AQR: variants seen among roughly 807,000 people sequenced by gnomAD.
AQR encodes the protein aquarius intron-binding spliceosomal factor, also known as RNA helicase aquarius.
A neutral mutation model predicts 180.5 loss-of-function variants in AQR; 61 were observed. That is an observed-to-expected ratio of 0.34 (90% confidence interval 0.28 to 0.42). AQR has a LOEUF of 0.42. Ranked by LOEUF, AQR falls within the 10% of genes least tolerant of loss-of-function variation. The probability of loss-of-function intolerance (pLI) is 1.00; values close to 1 mark genes in which losing one functional copy is unlikely to be tolerated. For synonymous variants in AQR, 551 were observed against 588.8 expected (o/e 0.94, Z 0.93); for missense variants, 1,281 against 1,798.3 (o/e 0.71, Z 5.20).
At chr15:34,943,786 T>C (rs1213278572) in intron 6 of AQR, among the ~76,000 whole-genome samples, 1 of 152,164 alleles carries the variant, frequency 6.6e-6, no homozygotes, top group Admixed American at 6.5e-5. Context: ...AGGATGAAAA[T>C]GTATCACACA....
intron 19 of AQR, among the ~76,000 whole-genome samples, chr15:34,902,714 T>C (rs995193302): frequency 6.6e-6 from 1 of 152,154 alleles, no homozygotes; most frequent in African/African-American, 2.4e-5. Context: ...TTCAGTGAAG[T>C]AACTGAGATT....
At chr15:34,957,641 C>T (rs563236653) in intron 3 of AQR, among the ~76,000 whole-genome samples, 3 of 149,280 alleles carry the variant, frequency 2.0e-5, no homozygotes, top group Non-Finnish European at 4.4e-5. Flanking sequence ...GTGGAGGTTG[C>T]GGTGAGCCGA....
intron 24 of AQR, among the ~76,000 whole-genome samples, chr15:34,888,262 C>CA (rs1489790778): frequency 1.3e-5 from 2 of 152,064 alleles, no homozygotes; most frequent in Admixed American, 1.3e-4. Context: ...CATACCACTA[C>CA]ACTCCAGCCT....
At chr15:34,933,547 T>G (rs1046825839) in intron 10 of AQR, among the ~76,000 whole-genome samples, 9 of 152,086 alleles carry the variant, frequency 5.9e-5, no homozygotes, top group Non-Finnish European at 1.2e-4. Context: ...TTTAGAAAAG[T>G]GAGATTATTT....
chr15:34,878,060 A>C (rs1043921027), intron 27 of AQR, among the ~76,000 whole-genome samples: 3 of 152,156 alleles, frequency 2.0e-5, no homozygotes, highest in African/African-American at 7.2e-5. Context: ...CTAAGGTAAT[A>C]TCTCTCTTGA....
At chr15:34,932,478 C>G in intron 10 of AQR, 44 bp from the exon 11 acceptor site, 1 of 1,355,164 alleles carries the variant, frequency 7.4e-7, no homozygotes, top group Non-Finnish European at 1.0e-6. Context: ...CATCTATTCT[C>G]CACAGCTAGA....
intron 3 of AQR, among the ~76,000 whole-genome samples, chr15:34,958,381 T>A (rs1894360467): frequency 1.3e-5 from 2 of 151,974 alleles, no homozygotes; most frequent in African/African-American, 4.8e-5. Flanking sequence ...CTGGGCATGG[T>A]GGTTTGTGCC....
At chr15:34,859,087 T>C (rs1892632414) in intron 34 of AQR, among the ~76,000 whole-genome samples, 1 of 152,056 alleles carries the variant, frequency 6.6e-6, no homozygotes, top group African/African-American at 2.4e-5. Flanking sequence ...ATTTAAAACT[T>C]TTGCTCTTTG....
chr15:34,913,130 A>G (rs1168277661), intron 16 of AQR, among the ~76,000 whole-genome samples: 1 of 152,198 alleles, frequency 6.6e-6, no homozygotes, highest in African/African-American at 2.4e-5. Context: ...ATCCATCACC[A>G]CAAAATCCAG....
At chr15:34,935,723 A>G (rs1165456650) in intron 9 of AQR, among the ~76,000 whole-genome samples, 1 of 152,212 alleles carries the variant, frequency 6.6e-6, no homozygotes. Context: ...GTAGAAAAAC[A>G]TGATCAGAGA....
At chr15:34,889,088 T>TCTA (rs1893102986) in intron 24 of AQR, among the ~76,000 whole-genome samples, 1 of 152,236 alleles carries the variant, frequency 6.6e-6, no homozygotes, top group Non-Finnish European at 1.5e-5. Context: ...AGTCAAATAT[T>TCTA]CTATTAGCAC....
intron 32 of AQR, among the ~76,000 whole-genome samples, 169 bp downstream of exon 32, chr15:34,867,355 G>A (rs1044317397): frequency 1.3e-5 from 2 of 152,106 alleles, no homozygotes; most frequent in East Asian, 1.9e-4. Flanking sequence ...CAGCAGCAAT[G>A]AGAATAGTTA....
chr15:34,879,891 C>A (rs1454990091), intron 27 of AQR, among the ~76,000 whole-genome samples: 2 of 152,110 alleles, frequency 1.3e-5, no homozygotes, highest in African/African-American at 4.8e-5. Context: ...AGTCTGTGTA[C>A]AAAACTGAAT....
At chr15:34,896,718 G>T (rs758977283) in intron 22 of AQR, among the ~76,000 whole-genome samples, 179 bp downstream of exon 22, 2 of 152,068 alleles carry the variant, frequency 1.3e-5, no homozygotes, top group African/African-American at 4.8e-5. Context: ...GCATGGTGGC[G>T]GGTACCTGTA....
intron 29 of AQR, 121 bp from the exon 30 acceptor site, chr15:34,874,120 C>T (rs1892859919): frequency 9.2e-7 from 1 of 1,081,304 alleles, no homozygotes; most frequent in Admixed American, 3.4e-5. Context: ...GCCATTTTGG[C>T]TCATCTTTTA....
At chr15:34,867,201 CTTT>C (rs913721599) in intron 32 of AQR, among the ~76,000 whole-genome samples, 28 of 152,034 alleles carry the variant, frequency 1.8e-4, no homozygotes, top group African/African-American at 6.5e-4. Flanking sequence ...ATTCTGAAGA[CTTT>C]TTAGTTAATC....
At chr15:34,878,337 G>T (rs1175918179) in intron 27 of AQR, among the ~76,000 whole-genome samples, 1 of 124,426 alleles carries the variant, frequency 8.0e-6, no homozygotes, top group African/African-American at 3.1e-5. Context: ...AGTGAGCCGA[G>T]ATCACGCCAT....
chr15:34,946,797 G>A (rs1438885482), intron 5 of AQR, among the ~76,000 whole-genome samples: 1 of 147,810 alleles, frequency 6.8e-6, no homozygotes, highest in Non-Finnish European at 1.5e-5. Context: ...TGCCCCGTCC[G>A]GGAAGTGAGG....
At chr15:34,904,859 A>G (rs1484298829) in intron 18 of AQR, among the ~76,000 whole-genome samples, 4 of 152,008 alleles carry the variant, frequency 2.6e-5, no homozygotes, top group Admixed American at 2.0e-4. Flanking sequence ...TGCCTTACAT[A>G]TAGTAAGTAT....
Sources: allele counts gnomAD v4.1 joint callset (sites outside exome capture counted in the v4.1 genomes callset), GRCh38; gene constraint gnomAD v4.1.1; transcripts MANE v1.5; gene names NCBI Gene and HGNC (gene_info 2026-07-23, HGNC 2026-07-21).